The following GDPGP1 variants were observed in gnomAD, a reference collection of about 807,000 sequenced individuals.
The protein encoded by GDPGP1 is GDP-D-glucose phosphorylase 1.
Under a neutral mutation model 19.2 loss-of-function variants are expected in GDPGP1, and 18 were observed. The ratio of observed to expected loss-of-function variants is 0.94; its 90% CI spans 0.65 to 1.39. The LOEUF (loss-of-function observed/expected upper bound fraction) is 1.39, where lower values mean the gene tolerates loss of function less well. Among genes scored for constraint, GDPGP1 ranks in the 40% most tolerant of loss-of-function variants. GDPGP1 has a pLI of 0.00. For missense variants in GDPGP1, 449 were observed against 490.5 expected (o/e 0.92, Z 0.80); for synonymous variants, 219 against 208.9 (o/e 1.05, Z -0.42).
At position 90,245,482 on chromosome 15, in the gene GDPGP1, A is replaced by AAAAG. The variant is rs1346564415; in HGVS notation, c.*3419_*3420insGAAA. The AAAAG allele has an allele frequency of 5.9e-5, 9 of 151,904 alleles. No individual in the cohort carries two copies. The highest frequency in any genetic ancestry group is 1.5e-4 in the African/African-American group (6 of 41,330). The allele number at this position is 151,904 out of a possible 1,614,324, so 9.4% of individuals were successfully genotyped here. A position where few individuals can be genotyped will look rare whatever the true frequency, so the allele number is the denominator to read the frequency against. ...AGAGAGACTTTGTCTCAAAAAAAAAAAAAAAGAAAAAAACAGTTTACCATT... is the reference window on the plus strand; with the variant it reads ...AGAGAGACTTTGTCTCAAAAAAAAAAAAAGAAAAAGAAAAAAACAGTTTACCATT... On this transcript the variant is annotated 3_prime_UTR_variant, in exon 4 of 4. Coordinates refer to ENST00000329600, the MANE Select transcript of GDPGP1 (RefSeq NM_001013657.3).
chr15:90,234,876 C>T (rs919033902), intron 2 of GDPGP1, among the ~76,000 whole-genome samples: 2 of 152,088 alleles, frequency 1.3e-5, no homozygotes, highest in East Asian at 1.9e-4. Flanking sequence ...AATGAATGAA[C>T]GTATACTATT....
rs1962770439 is a variant in GDPGP1 at position 90,241,874 on chromosome 15, A to G, written c.966A>G (p.Ile322Met). ...GGGCCCGGAAGTCCAGCTTTGGGATAAAGGACGGTGAAGCTTTCAATGTTG... is the reference window on the plus strand; with the variant it reads ...GGGCCCGGAAGTCCAGCTTTGGGATGAAGGACGGTGAAGCTTTCAATGTTG... ...ILWARKSSFG[I>M]KDGEAFNVAL... Residue 322 changes from isoleucine (I) to methionine (M), a missense_variant, in exon 4 of 4, where the codon ATA becomes ATG. Ile to Met is a conservative substitution (Grantham distance 10). Transcript: ENST00000329600. The G allele has an allele frequency of 6.2e-7, 1 of 1,614,124 alleles. No individual in the cohort carries two copies. Among genetic ancestry groups the G allele is most frequent in the African/African-American group, 1.3e-5 (1 of 75,036 alleles).
At position 90,242,431 on chromosome 15, in the gene GDPGP1, C is replaced by CTTTTTTTTTTTTTTTT. The variant is rs71151576; in HGVS notation, c.*381_*396dup. 5 of 65,510 alleles carry CTTTTTTTTTTTTTTTT rather than the reference C, an allele frequency of 7.6e-5. 1 individual carries two copies. The highest frequency in any genetic ancestry group is 1.5e-4 in the Non-Finnish European group (5 of 32,780). The allele number at this position is 65,510 out of a possible 1,614,324, so 4.1% of individuals were successfully genotyped here. A position where few individuals can be genotyped will look rare whatever the true frequency, so the allele number is the denominator to read the frequency against. On this transcript the variant is annotated 3_prime_UTR_variant, in exon 4 of 4. Coordinates refer to ENST00000329600, the MANE Select transcript of GDPGP1 (RefSeq NM_001013657.3). The stretch of plus-strand genomic sequence containing the variant: ...TGAGCCCCTGGATTCTTTTCTGTTT[C>CTTTTTTTTTTTTTTTT]TTTTTTTTTTTTTTTTTTTTTTTTT...
At chr15:90,238,014 T>A (rs1220043478) in intron 2 of GDPGP1, among the ~76,000 whole-genome samples, 2 of 152,200 alleles carry the variant, frequency 1.3e-5, no homozygotes, top group Non-Finnish European at 2.9e-5. Context: ...TTTTAAACAT[T>A]TTTGGCCAGG....
intron 3 of GDPGP1, among the ~76,000 whole-genome samples, 167 bp downstream of exon 3, chr15:90,238,715 C>G (rs1349090790): frequency 6.6e-6 from 1 of 152,174 alleles, no homozygotes; most frequent in Non-Finnish European, 1.5e-5. Flanking sequence ...CATCCTCACC[C>G]AAATGTTTCT....
chr15:90,239,051 G>A (rs1363111603), intron 3 of GDPGP1, among the ~76,000 whole-genome samples: 1 of 152,176 alleles, frequency 6.6e-6, no homozygotes, highest in Non-Finnish European at 1.5e-5. Flanking sequence ...GAGTGTGTGA[G>A]TGTATAGGAT....
chr15:90,240,842 T>C (rs1962737130), intron 3 of GDPGP1, 58 bp from the exon 4 acceptor site: 7 of 1,047,742 alleles, frequency 6.7e-6, no homozygotes, highest in Non-Finnish European at 8.5e-6. Flanking sequence ...ATAAATACAA[T>C]GACAATCTCT....
At chr15:90,239,057 AG>A (rs1396405831) in intron 3 of GDPGP1, among the ~76,000 whole-genome samples, 2 of 152,220 alleles carry the variant, frequency 1.3e-5, no homozygotes, top group African/African-American at 4.8e-5. Context: ...GTGAGTGTAT[AG>A]GATGTTCATT....
rs1962836585 is a variant in GDPGP1, at chr15:90,245,091, T to G, written c.*3025T>G. The G allele has an allele frequency of 6.6e-6, 1 of 152,228 alleles. No homozygotes were observed. The highest frequency in any genetic ancestry group is 2.4e-5 in the African/African-American group (1 of 41,450). 9.4% of individuals were successfully genotyped at this position (152,228 alleles called of 1,614,324 possible). The stretch of plus-strand genomic sequence containing the variant: ...CCTAGGCCTGTATAAAGCCTTAGTT[T>G]CCAGTTTTCATTAGAGGTTTTACAT... On this transcript the variant is annotated 3_prime_UTR_variant, in exon 4 of 4. Coordinates refer to ENST00000329600, the MANE Select transcript of GDPGP1 (RefSeq NM_001013657.3).
Position 90,241,384 on chromosome 15 carries a change from T to G in GDPGP1, c.476T>G (p.Val159Gly). 6.2e-7 allele frequency: 1 copy of G among 1,614,054 alleles called. No homozygotes were observed. The change falls in exon 4 of 4, where the codon GTC becomes GGC. Residue 159 changes from valine (V) to glycine (G), a missense_variant. Val to Gly is a moderately radical substitution (Grantham distance 109, BLOSUM62 -3). Coordinates refer to ENST00000329600, the MANE Select transcript of GDPGP1 (RefSeq NM_001013657.3). ...GAAGACATCCTGGTGGTGATCAACG[T>G]CAGCCCCCTGGAGTGGGGCCACGTG... ...LQEDILVVIN[V>G]SPLEWGHVLL...
chr15:90,241,854 C>G lies in GDPGP1; in HGVS notation c.946C>G (p.Arg316Gly). 6.2e-7 allele frequency: 1 copy of G among 1,614,180 alleles called. No individual in the cohort carries two copies. Among genetic ancestry groups the G allele is most frequent in the Non-Finnish European group, 8.5e-7 (1 of 1,180,036 alleles). Residue 316 changes from arginine (R) to glycine (G), a missense_variant, in exon 4 of 4, where the codon CGG (arginine) becomes GGG (glycine). Transcript: ENST00000329600. ...LTGVRVILWARKSSFGIKDGE... is the reference protein window; with the variant it reads ...LTGVRVILWAGKSSFGIKDGE... ...AGGGGTCCGAGTAATTCTGTGGGCC[C>G]GGAAGTCCAGCTTTGGGATAAAGGA... is the stretch of plus-strand genomic sequence containing the variant.
intron 2 of GDPGP1, among the ~76,000 whole-genome samples, chr15:90,237,989 A>G (rs1340764023): frequency 6.6e-6 from 1 of 152,154 alleles, no homozygotes; most frequent in African/African-American, 2.4e-5. Context: ...CTCCAGCTCA[A>G]AGGATTAGCT....
Position 90,242,000 on chromosome 15 carries a change from G to A in GDPGP1, c.1092G>A (p.Leu364=). Residue 364 remains leucine (L), a synonymous_variant, in exon 4 of 4, where the codon CTG becomes CTA. Transcript: ENST00000329600. ...AAVALIQDCR[L]PPSQAEDVQA... ...TGGCCCTCATTCAGGACTGTCGGCT[G>A]CCCCCATCCCAGGCAGAAGACGTAC... 5 of 1,614,140 alleles carry A rather than the reference G, an allele frequency of 3.1e-6. No homozygotes were observed. The highest frequency in any genetic ancestry group is 4.2e-6 in the Non-Finnish European group (5 of 1,180,010).
chr15:90,240,207 A>C (rs948499484), intron 3 of GDPGP1, among the ~76,000 whole-genome samples: 2 of 149,522 alleles, frequency 1.3e-5, no homozygotes, highest in Non-Finnish European at 3.0e-5. Flanking sequence ...TGGGTGACAG[A>C]GTGATAAATA....
chr15:90,234,688 A>G (rs1322041074), intron 2 of GDPGP1, 92 bp downstream of exon 2: 1 of 152,230 alleles, frequency 6.6e-6, no homozygotes, highest in African/African-American at 2.4e-5. Flanking sequence ...TAATCGGTCC[A>G]GTCCAAGGCA....
chr15:90,240,734 AC>A (rs1962733824), intron 3 of GDPGP1, among the ~76,000 whole-genome samples, 165 bp from the exon 4 acceptor site: 1 of 151,758 alleles, frequency 6.6e-6, no homozygotes, highest in Admixed American at 6.6e-5. Context: ...AACCGCTTGA[AC>A]CCAGGAGGCG....
chr15:90,242,042 C>T lies in GDPGP1; in HGVS notation c.1134C>T (p.Ala378=). 6.2e-7 allele frequency: 1 copy of T among 1,608,760 alleles called. No individual in the cohort carries two copies. Among genetic ancestry groups the T allele is most frequent in the Non-Finnish European group, 8.5e-7 (1 of 1,177,444 alleles). The change falls in exon 4 of 4, where the codon GCC becomes GCT. Residue 378 remains alanine, a synonymous_variant. Transcript: ENST00000329600. ...QAEDVQAALV[A]LMSQEEQ ...AAGACGTACAGGCAGCACTGGTGGC[C>T]CTGATGTCCCAGGAAGAGCAATAAT...
intron 3 of GDPGP1, among the ~76,000 whole-genome samples, chr15:90,239,300 ATAAAATGTG>A (rs1314010376): frequency 8.2e-6 from 1 of 121,956 alleles, no homozygotes; most frequent in Non-Finnish European, 1.7e-5. Context: ...TATATGAGAC[ATAAAATGTG>A]TGTGTGTGTG....
At chr15:90,237,533 G>C (rs762414005) in intron 2 of GDPGP1, among the ~76,000 whole-genome samples, 1 of 151,864 alleles carries the variant, frequency 6.6e-6, no homozygotes, top group African/African-American at 2.4e-5. Flanking sequence ...ATTCACCTGC[G>C]TCAGCCTCCC....
Sources: allele counts gnomAD v4.1 joint callset (sites outside exome capture counted in the v4.1 genomes callset), GRCh38; gene constraint gnomAD v4.1.1; transcripts MANE v1.5; gene names NCBI Gene and HGNC (gene_info 2026-07-23, HGNC 2026-07-21).